The following FREM1 variants were observed in gnomAD, a reference collection of about 807,000 sequenced individuals.
FREM1 encodes FRAS1-related extracellular matrix protein 1.
Under a neutral mutation model 210.1 loss-of-function variants are expected in FREM1, and 220 were observed. That is an observed-to-expected ratio of 1.05 (90% CI 0.94 to 1.17). The LOEUF (loss-of-function observed/expected upper bound fraction) is 1.17. Among genes scored for constraint, FREM1 ranks in the 50% most tolerant of loss-of-function variants. The probability of loss-of-function intolerance (pLI) is 0.00; values close to 1 mark genes in which losing one functional copy is unlikely to be tolerated. For synonymous variants in FREM1, 1,189 were observed against 980.2 expected, an observed-to-expected ratio of 1.21 and a Z score of -3.98; for missense variants, 3,454 against 2,675.5, an observed-to-expected ratio of 1.29 and a Z score of -6.42.
chr9:14,824,151 T>C (rs1188775972), intron 11 of FREM1, 36 bp from the exon 12 acceptor site: 1 of 1,347,666 alleles, frequency 7.4e-7, no homozygotes, highest in Non-Finnish European at 1.0e-6. Context: ...TCAGCTCATT[T>C]TTAGGTAAGA....
rs972186507 is a variant in FREM1 at position 14,836,816 on chromosome 9, C to A, written c.1881+4631G>T. 6.6e-6 allele frequency among the ~76,000 whole-genome samples: 1 copy of A among 152,108 alleles called. No individual in the cohort carries two copies. Among genetic ancestry groups the A allele is most frequent in the Non-Finnish European group, 1.5e-5 (1 of 68,008 alleles). ...AACGCCCCTTTTAAGTAGGAAGTAG[C>A]CAGAAAGAGTCTTCGCCCAAAACCC... is the stretch of plus-strand genomic sequence containing the variant. On this transcript the variant is annotated intron_variant, in intron 10 of 36. Coordinates refer to ENST00000380880, the MANE Select transcript of FREM1 (RefSeq NM_001379081.2). The surrounding 1 kb of genome is among the most constrained non-coding windows in gnomAD (Gnocchi z 4.9).
At chr9:14,805,937 T>C (rs1818265608) in intron 18 of FREM1, among the ~76,000 whole-genome samples, 1 of 152,168 alleles carries the variant, frequency 6.6e-6, no homozygotes, top group South Asian at 2.1e-4. Context: ...TTTCTCTCTG[T>C]TACACCCATA....
chr9:14,824,657 C>T (rs78954614), intron 11 of FREM1, 139 bp downstream of exon 11: 11,649 of 604,410 alleles, frequency 0.019, 233 homozygotes, highest in South Asian at 0.054. Context: ...AAAAAGTAAA[C>T]GCTTAATTGA....
At chr9:14,837,036 G>C (rs1281995400) in intron 10 of FREM1, among the ~76,000 whole-genome samples, 1 of 152,190 alleles carries the variant, frequency 6.6e-6, no homozygotes, top group East Asian at 1.9e-4. Flanking sequence ...GCAAATGCCG[G>C]CCATTAGAAA....
chr9:14,875,530 G>T (rs1029161522), intron 1 of FREM1, among the ~76,000 whole-genome samples: 1 of 152,208 alleles, frequency 6.6e-6, no homozygotes, highest in East Asian at 1.9e-4. Flanking sequence ...CTCCATCAGT[G>T]CCTTTAAGCA....
At chr9:14,853,661 G>A (rs912571325) in intron 5 of FREM1, among the ~76,000 whole-genome samples, 4 of 152,116 alleles carry the variant, frequency 2.6e-5, no homozygotes, top group Non-Finnish European at 4.4e-5. Flanking sequence ...AACCAGCAAT[G>A]CCCAGAGAAA....
At chr9:14,893,224 T>G (rs1170332137) in intron 1 of FREM1, among the ~76,000 whole-genome samples, 1 of 152,218 alleles carries the variant, frequency 6.6e-6, no homozygotes, top group Admixed American at 6.5e-5. Context: ...GTTTATCTCC[T>G]CTGTAAAGTT....
intron 1 of FREM1, among the ~76,000 whole-genome samples, chr9:14,879,112 G>C (rs944117363): frequency 6.8e-6 from 1 of 146,658 alleles, no homozygotes; most frequent in Non-Finnish European, 1.5e-5. Context: ...AGCCAAGATT[G>C]CACCACTGTA....
chr9:14,874,622 A>C (rs572591959), intron 1 of FREM1, among the ~76,000 whole-genome samples: 1,551 of 151,768 alleles, frequency 0.01, 29 homozygotes, highest in African/African-American at 0.036. Flanking sequence ...TCTTTATCCA[A>C]TTTGCCAGTC....
intron 20 of FREM1, among the ~76,000 whole-genome samples, chr9:14,798,997 G>A (rs550804023): frequency 6.6e-6 from 1 of 152,034 alleles, no homozygotes; most frequent in African/African-American, 2.4e-5. Context: ...AGTAAGAAGA[G>A]GCCAGTTATG....
At position 14,789,107 on chromosome 9, in the gene FREM1, C is replaced by A; in HGVS notation, c.3989G>T (p.Arg1330Met). The stretch of plus-strand genomic sequence containing the variant: ...GCCAGGGGAGAGAGGAACCCAGTCC[C>A]TCCCTATCTGGAAGGAGCCAGAGTT... Reference protein sequence around the residue: ...QNGQLQLKIGRDWVPLSPGMK... With the variant: ...QNGQLQLKIGMDWVPLSPGMK... The change falls in exon 23 of 37, where the codon AGG (arginine) becomes ATG (methionine). Residue 1330 changes from arginine (R) to methionine (M), a missense_variant. By Grantham distance (91) the Arg-to-Met change is moderately conservative (BLOSUM62 -1). Coordinates refer to ENST00000380880, the MANE Select transcript of FREM1 (RefSeq NM_001379081.2). 6.3e-7 allele frequency: 1 copy of A among 1,584,612 alleles called. No homozygotes were observed. The highest frequency in any genetic ancestry group is 1.2e-5 in the South Asian group (1 of 86,300).
At chr9:14,763,321 C>A (rs1845841458) in intron 27 of FREM1, among the ~76,000 whole-genome samples, 1 of 152,148 alleles carries the variant, frequency 6.6e-6, no homozygotes, top group African/African-American at 2.4e-5. Context: ...GTTTCGGGAC[C>A]TTGACAAATG....
rs375781811 is a variant in FREM1 at position 14,769,692 on chromosome 9, T to C, written c.5204+32A>G. The C allele has an allele frequency of 1.1e-5, 17 of 1,606,420 alleles. No homozygotes were observed. The Admixed American group carries it at 1.3e-4, about 13-fold the overall frequency. On this transcript the variant is annotated intron_variant, in intron 27 of 36. Transcript: ENST00000380880. Reference sequence around the variant, plus strand: ...ATTCAGATACATTATGGATGTAACATATAGGACTACTGAATAAGCAAGAGA... The same window carrying C: ...ATTCAGATACATTATGGATGTAACACATAGGACTACTGAATAAGCAAGAGA...
At chr9:14,796,623 C>T (rs13283873) in intron 21 of FREM1, among the ~76,000 whole-genome samples, 3 of 152,148 alleles carry the variant, frequency 2.0e-5, no homozygotes, top group African/African-American at 4.8e-5. Flanking sequence ...ATAATTGAAT[C>T]GTGGGGCAGT....
At chr9:14,785,917 T>C (rs922642968) in intron 23 of FREM1, among the ~76,000 whole-genome samples, 1 of 152,214 alleles carries the variant, frequency 6.6e-6, no homozygotes, top group South Asian at 2.1e-4. Context: ...TTTTGTGTTA[T>C]GCATAATTCA....
intron 16 of FREM1, among the ~76,000 whole-genome samples, chr9:14,810,301 C>T (rs1179187592): frequency 6.6e-6 from 1 of 152,038 alleles, no homozygotes; most frequent in Admixed American, 6.6e-5. Context: ...ATAATGGAAG[C>T]ATAGGATATA....
intron 29 of FREM1, 114 bp downstream of exon 29, chr9:14,756,260 T>C: frequency 1.3e-6 from 1 of 742,552 alleles, no homozygotes; most frequent in Non-Finnish European, 2.2e-6. Context: ...CCCTGAGGAG[T>C]TTCTAGTTGG....
rs766791345 is a variant in FREM1 at position 14,859,319 on chromosome 9, C to G, written c.495G>C (p.Arg165Ser). 1.2e-6 allele frequency: 2 copies of G among 1,613,752 alleles called. No individual in the cohort carries two copies. The highest frequency in any genetic ancestry group is 2.7e-5 in the African/African-American group (2 of 74,860). Residue 165 changes from arginine (R) to serine (S), a missense_variant, in exon 4 of 37, where the codon AGG (arginine) becomes AGC (serine). Arg to Ser is a moderately radical substitution (Grantham distance 110, BLOSUM62 -1). Coordinates refer to ENST00000380880, the MANE Select transcript of FREM1 (RefSeq NM_001379081.2). ...DKNLLRFDYDRMASLECTVSL... is the reference protein window; with the variant it reads ...DKNLLRFDYDSMASLECTVSL... ...TGACGGTACATTCCAGGCTAGCCAT[C>G]CTATCATAATCGAATCTGAGCAGAT...
rs146385807 is a variant in FREM1, at chr9:14,894,153, G to C, written c.-268+15761C>G. ...GTATAAAAATAATACAGAAAGCATT[G>C]TCAAATATAAAACAATGTTGGCTTT... is the stretch of plus-strand genomic sequence containing the variant. On this transcript the variant is annotated intron_variant, in intron 1 of 36. Coordinates refer to ENST00000380880, the MANE Select transcript of FREM1 (RefSeq NM_001379081.2). 4.2e-3 allele frequency among the ~76,000 whole-genome samples: 635 copies of C among 152,244 alleles called. 1 individual carries two copies. Among genetic ancestry groups the C allele is most frequent in the Non-Finnish European group, 7.4e-3 (505 of 67,994 alleles).
Sources: gnomAD v4.1 joint callset for allele counts (sites outside exome capture counted in the v4.1 genomes callset) on GRCh38, gnomAD v4.1.1 for gene constraint, Gnocchi (gnomAD v3.1) non-coding constraint, MANE v1.5 for transcripts, NCBI Gene and HGNC (gene_info 2026-07-23, HGNC 2026-07-21) for gene names.